SEMA5A: variants seen among roughly 807,000 people sequenced by gnomAD.
The protein encoded by SEMA5A is semaphorin 5A, also known as semaphorin-5A.
SEMA5A carries 55 observed loss-of-function variants against 135.5 expected under a neutral mutation model. The ratio of observed to expected loss-of-function variants is 0.41; its 90% CI spans 0.33 to 0.51. SEMA5A has a LOEUF of 0.51. Among genes scored for constraint, SEMA5A ranks in the 20% least tolerant of loss-of-function variants. The pLI is 0.37. For missense variants in SEMA5A, 1,290 were observed against 1,419.9 expected, an observed-to-expected ratio of 0.91 and a Z score of 1.47; for synonymous variants, 580 against 546.5, an observed-to-expected ratio of 1.06 and a Z score of -0.85.
At chr5:9,287,307 T>C in intron 5 of SEMA5A, among the ~76,000 whole-genome samples, 1 of 152,202 alleles carries the variant, frequency 6.6e-6, no homozygotes, top group Non-Finnish European at 1.5e-5. Context: ...TCAGCAAAAG[T>C]ATCAAATTCT....
intron 11 of SEMA5A, among the ~76,000 whole-genome samples, chr5:9,160,344 A>G (rs1743185289): frequency 6.6e-6 from 1 of 152,162 alleles, no homozygotes; most frequent in Non-Finnish European, 1.5e-5. Context: ...GGACTCGAGC[A>G]TCCTTGGGCA....
intron 4 of SEMA5A, among the ~76,000 whole-genome samples, chr5:9,324,246 T>A (rs1384841123): frequency 1.3e-5 from 2 of 151,974 alleles, no homozygotes; most frequent in African/African-American, 4.8e-5. Context: ...TTTTTTGTAT[T>A]TTTAGTAGAG....
intron 7 of SEMA5A, among the ~76,000 whole-genome samples, chr5:9,225,389 T>TAAAAAAAAA (rs34806769): frequency 4.6e-5 from 2 of 43,112 alleles, no homozygotes; most frequent in African/African-American, 2.1e-4. Context: ...CCATCTCTAC[T>TAAAAAAAAA]AAAAAAAAAA....
chr5:9,380,455 T>C (rs1755550010), intron 2 of SEMA5A, among the ~76,000 whole-genome samples: 1 of 152,222 alleles, frequency 6.6e-6, no homozygotes, highest in African/African-American at 2.4e-5. Flanking sequence ...ACATTTAAAA[T>C]ATTTAGTTTT....
At position 9,457,729 on chromosome 5, in the gene SEMA5A, A is replaced by T. The variant is rs141969119; in HGVS notation, c.-174-19877T>A. Among the ~76,000 whole-genome samples the T allele has an allele frequency of 5.8e-3, 888 of 152,262 alleles. 5 individuals carry two copies. The highest frequency in any genetic ancestry group is 9.5e-3 in the Non-Finnish European group (645 of 68,020). The stretch of plus-strand genomic sequence containing the variant: ...TTTTACAACTGTAAGGATTCATCCT[A>T]TTGCTATTAGGAAGGTTTTTTTCCT... On this transcript the variant is annotated intron_variant, in intron 1 of 22. Transcript: ENST00000382496.
intron 3 of SEMA5A, among the ~76,000 whole-genome samples, chr5:9,375,214 A>G (rs1213730728): frequency 2.6e-5 from 4 of 152,102 alleles, no homozygotes; most frequent in African/African-American, 9.7e-5. Context: ...TGTCCTCCCA[A>G]AAGATATACT....
At chr5:9,159,318 C>A (rs115359147) in intron 11 of SEMA5A, among the ~76,000 whole-genome samples, 221 of 152,260 alleles carry the variant, frequency 1.5e-3, no homozygotes, top group African/African-American at 5.2e-3. Flanking sequence ...ACTGAGGATA[C>A]AGACTGAAAC....
chr5:9,122,112 T>TA (rs1037247548), intron 14 of SEMA5A, among the ~76,000 whole-genome samples: 3 of 151,898 alleles, frequency 2.0e-5, no homozygotes, highest in Admixed American at 6.6e-5. Flanking sequence ...AATATAGTTG[T>TA]AAAAAAAATA....
chr5:9,154,096 T>TGG (rs1161885025), intron 12 of SEMA5A, among the ~76,000 whole-genome samples: 1 of 120,730 alleles, frequency 8.3e-6, no homozygotes, highest in African/African-American at 3.0e-5. Flanking sequence ...TATATATATG[T>TGG]GTGTGTGTGT....
intron 2 of SEMA5A, among the ~76,000 whole-genome samples, chr5:9,417,907 G>T (rs1393202518): frequency 6.6e-6 from 1 of 152,110 alleles, no homozygotes; most frequent in African/African-American, 2.4e-5. Flanking sequence ...TTCCTGGTTT[G>T]GAGGTGGTGT....
At chr5:9,294,395 G>A (rs184708442) in intron 5 of SEMA5A, among the ~76,000 whole-genome samples, 11 of 152,256 alleles carry the variant, frequency 7.2e-5, no homozygotes, top group South Asian at 4.2e-4. Context: ...CCTGGCCTTC[G>A]TTTCAAAAAT....
At chr5:9,384,603 G>GATAGATAGATAC (rs1561207757) in intron 2 of SEMA5A, among the ~76,000 whole-genome samples, 85 of 106,992 alleles carry the variant, frequency 7.9e-4, no homozygotes, top group Non-Finnish European at 1.2e-3. Context: ...TAGATAGATA[G>GATAGATAGATAC]ATAGATAGAT....
At position 9,040,594 on chromosome 5, in the gene SEMA5A, T is replaced by C. The variant is rs923183930; in HGVS notation, c.*2303A>G. 3.3e-5 allele frequency: 5 copies of C among 152,130 alleles called. No individual in the cohort carries two copies. Among genetic ancestry groups the C allele is most frequent in the African/African-American group, 1.2e-4 (5 of 41,452 alleles). 9.4% of individuals were successfully genotyped at this position (152,130 alleles called of 1,614,324 possible). Reference sequence around the variant, plus strand: ...AGATAAACAATTTTCCTTTGAACAGTGTGGTACGAAACAAAAATGGGATTC... The same window carrying C: ...AGATAAACAATTTTCCTTTGAACAGCGTGGTACGAAACAAAAATGGGATTC... On this transcript the variant is annotated 3_prime_UTR_variant, in exon 23 of 23. Coordinates refer to ENST00000382496, the MANE Select transcript of SEMA5A (RefSeq NM_003966.3).
intron 16 of SEMA5A, among the ~76,000 whole-genome samples, chr5:9,085,143 G>A (rs762069567): frequency 7.9e-5 from 12 of 152,150 alleles, no homozygotes; most frequent in African/African-American, 1.9e-4. Flanking sequence ...AAAGCATTCC[G>A]TTTTATAAGG....
chr5:9,484,492 G>A (rs1233315935), intron 1 of SEMA5A, among the ~76,000 whole-genome samples: 3 of 152,146 alleles, frequency 2.0e-5, no homozygotes, highest in Admixed American at 6.6e-5. Context: ...CACTAGAAGT[G>A]CCATTAATGA....
intron 13 of SEMA5A, among the ~76,000 whole-genome samples, chr5:9,129,897 G>A (rs1222295574): frequency 2.6e-5 from 4 of 152,242 alleles, no homozygotes; most frequent in Middle Eastern, 3.4e-3. Flanking sequence ...AGTCACTCTG[G>A]TTGTAAAAGA....
intron 4 of SEMA5A, among the ~76,000 whole-genome samples, chr5:9,320,037 C>G (rs574050557): frequency 1.3e-5 from 2 of 152,272 alleles, no homozygotes; most frequent in South Asian, 4.1e-4. Context: ...GAGGACTAGG[C>G]TCACATTCAG....
intron 8 of SEMA5A, among the ~76,000 whole-genome samples, chr5:9,220,314 C>T (rs548511280): frequency 6.6e-6 from 1 of 152,172 alleles, no homozygotes; most frequent in South Asian, 2.1e-4. Flanking sequence ...ATAACTTATC[C>T]ATGTAACCAA....
At chr5:9,132,599 G>C (rs1741492818) in intron 13 of SEMA5A, among the ~76,000 whole-genome samples, 9 of 152,140 alleles carry the variant, frequency 5.9e-5, no homozygotes, top group Admixed American at 3.3e-4. Context: ...TTCTGTTGTA[G>C]CAACATAAAT....
Sources: allele counts gnomAD v4.1 joint callset (sites outside exome capture counted in the v4.1 genomes callset), GRCh38; gene constraint gnomAD v4.1.1; transcripts MANE v1.5; gene names NCBI Gene and HGNC (gene_info 2026-07-23, HGNC 2026-07-21).